The following UTRN variants were observed in gnomAD, a reference collection of about 807,000 sequenced individuals.
UTRN encodes the protein dystrophin-related protein 1.
A neutral mutation model predicts 463.9 loss-of-function variants in UTRN; 283 were observed. The observed-to-expected ratio is 0.61, with a 90% CI of 0.55 to 0.67. UTRN has a LOEUF of 0.67. UTRN is among the 30% of genes least tolerant of loss of function. The probability of loss-of-function intolerance (pLI) is 0.00; values close to 1 mark genes in which losing one functional copy is unlikely to be tolerated. For synonymous variants in UTRN, 1,442 were observed against 1,431.5 expected, an observed-to-expected ratio of 1.01 and a Z score of -0.17; for missense variants, 3,922 against 4,084.3, an observed-to-expected ratio of 0.96 and a Z score of 1.08.
intron 51 of UTRN, among the ~76,000 whole-genome samples, chr6:144,655,328 C>A (rs1779216790): frequency 6.6e-6 from 1 of 152,208 alleles, no homozygotes. Flanking sequence ...AATGGAACTT[C>A]AGTGGTAGAA....
chr6:144,308,911 A>T (rs987524194), intron 2 of UTRN, among the ~76,000 whole-genome samples: 2 of 152,200 alleles, frequency 1.3e-5, no homozygotes, highest in Non-Finnish European at 2.9e-5. Context: ...GATTGTATGT[A>T]CCAACATTTG....
chr6:144,303,786 T>A (rs1805495021), intron 2 of UTRN, among the ~76,000 whole-genome samples: 1 of 152,192 alleles, frequency 6.6e-6, no homozygotes, highest in Non-Finnish European at 1.5e-5. Context: ...GGTAAAACTC[T>A]TGCACAGCTA....
At position 144,340,551 on chromosome 6, in the gene UTRN, T is replaced by C. The variant is rs539434859; in HGVS notation, c.79+48644T>C. Among the ~76,000 whole-genome samples the C allele has an allele frequency of 1.2e-4, 18 of 152,342 alleles. No homozygotes were observed. The East Asian group carries it at 1.3e-3, about 11-fold the overall frequency. ...TCCTGTAGTTTCAGCTAATTTGTTC[T>C]GTAATTCTCTCTCCACTCCAATTCT... On this transcript the variant is annotated intron_variant, in intron 2 of 74. Transcript: ENST00000367545.
intron 55 of UTRN, among the ~76,000 whole-genome samples, chr6:144,749,419 G>A (rs1395026628): frequency 6.6e-6 from 1 of 152,108 alleles, no homozygotes; most frequent in African/African-American, 2.4e-5. Context: ...GCAGGAGAAG[G>A]GCTTAGGAGT....
chr6:144,511,401 A>G (rs112172200), intron 35 of UTRN, among the ~76,000 whole-genome samples: 46 of 152,272 alleles, frequency 3.0e-4, no homozygotes, highest in African/African-American at 1.0e-3. Context: ...TAATGATTTC[A>G]TATTGTATTT....
At chr6:144,799,015 C>T (rs1777484864) in intron 64 of UTRN, among the ~76,000 whole-genome samples, 1 of 152,254 alleles carries the variant, frequency 6.6e-6, no homozygotes, top group South Asian at 2.1e-4. Context: ...GCTGGGATTA[C>T]AGGCGTGAGC....
chr6:144,780,786 C>T (rs959174982), intron 60 of UTRN, among the ~76,000 whole-genome samples: 14 of 152,194 alleles, frequency 9.2e-5, no homozygotes, highest in Non-Finnish European at 1.6e-4. Flanking sequence ...GTGTAAGTCA[C>T]GCATCACCCA....
intron 23 of UTRN, among the ~76,000 whole-genome samples, chr6:144,464,481 G>A (rs1789733103): frequency 6.6e-6 from 1 of 151,982 alleles, no homozygotes; most frequent in Admixed American, 6.6e-5. Context: ...TGTTTTGTGT[G>A]GCTTAGTGTT....
chr6:144,386,004 C>T (rs150145911), intron 2 of UTRN, among the ~76,000 whole-genome samples: 16 of 152,216 alleles, frequency 1.1e-4, no homozygotes, highest in East Asian at 1.9e-4. Context: ...CCACTGTCCC[C>T]GGCCCAGAAC....
At chr6:144,621,235 G>A (rs762380775) in intron 51 of UTRN, among the ~76,000 whole-genome samples, 1 of 152,180 alleles carries the variant, frequency 6.6e-6, no homozygotes, top group African/African-American at 2.4e-5. Context: ...AGTGGGAATA[G>A]CAATTTCAGT....
intron 47 of UTRN, among the ~76,000 whole-genome samples, chr6:144,549,269 T>C (rs758901061): frequency 1.1e-4 from 17 of 152,238 alleles, no homozygotes; most frequent in Non-Finnish European, 2.5e-4. Flanking sequence ...CTACTATACA[T>C]GTACCATCTA....
intron 51 of UTRN, among the ~76,000 whole-genome samples, chr6:144,659,480 CT>C (rs1166736721): frequency 6.6e-6 from 1 of 152,180 alleles, no homozygotes; most frequent in East Asian, 1.9e-4. Context: ...GACAGAACAC[CT>C]TTTAAAACAA....
Position 144,631,652 on chromosome 6 carries a change from G to A in UTRN, c.7480-46754G>A, listed in dbSNP as rs761748343. Among the ~76,000 whole-genome samples the A allele has an allele frequency of 5.3e-5, 8 of 152,086 alleles. No individual in the cohort carries two copies. In the East Asian group the frequency reaches 5.8e-4, roughly 11 times the overall value. On this transcript the variant is annotated intron_variant, in intron 51 of 74. Transcript: ENST00000367545. ...GTGCTTGTCATCATTTCAAAAGAGCGTAGAATATTTTATTTCATTTTGTCT... is the reference window on the plus strand; with the variant it reads ...GTGCTTGTCATCATTTCAAAAGAGCATAGAATATTTTATTTCATTTTGTCT...
chr6:144,844,710 A>T (rs955948410), intron 73 of UTRN, among the ~76,000 whole-genome samples: 1 of 152,198 alleles, frequency 6.6e-6, no homozygotes, highest in African/African-American at 2.4e-5. Flanking sequence ...GCCAGCAAAT[A>T]TTTTAATAAG....
intron 2 of UTRN, among the ~76,000 whole-genome samples, chr6:144,345,823 A>G (rs1196510574): frequency 6.6e-6 from 1 of 152,160 alleles, no homozygotes; most frequent in African/African-American, 2.4e-5. Flanking sequence ...GGTCTAGGGT[A>G]ACCTTAATGA....
intron 3 of UTRN, among the ~76,000 whole-genome samples, chr6:144,411,016 T>A (rs2114817766): frequency 6.6e-6 from 1 of 152,340 alleles, no homozygotes; most frequent in African/African-American, 2.4e-5. Flanking sequence ...TTGTGAATTG[T>A]GCTGCTATAA....
intron 2 of UTRN, among the ~76,000 whole-genome samples, chr6:144,379,868 AGAC>A (rs1780758215): frequency 6.6e-6 from 1 of 152,234 alleles, no homozygotes; most frequent in Non-Finnish European, 1.5e-5. Context: ...AAGAGGTCCA[AGAC>A]TGATCCTTTA....
At chr6:144,504,759 T>C (rs1000009780) in intron 34 of UTRN, among the ~76,000 whole-genome samples, 2 of 152,222 alleles carry the variant, frequency 1.3e-5, no homozygotes, top group Admixed American at 6.5e-5. Flanking sequence ...GTTATCAGGA[T>C]GATGCTGGCC....
chr6:144,689,457 T>G (rs1294267787), intron 52 of UTRN, among the ~76,000 whole-genome samples: 2 of 152,220 alleles, frequency 1.3e-5, no homozygotes, highest in African/African-American at 4.8e-5. Flanking sequence ...GTCTTCATTC[T>G]TTTGTCATTC....
Sources: gnomAD v4.1 joint callset for allele counts (sites outside exome capture counted in the v4.1 genomes callset) on GRCh38, gnomAD v4.1.1 for gene constraint, MANE v1.5 for transcripts, NCBI Gene and HGNC (gene_info 2026-07-23, HGNC 2026-07-21) for gene names.